The following TOMM7 variants were observed in gnomAD, a reference collection of about 807,000 sequenced individuals.
The protein encoded by TOMM7 is mitochondrial import receptor subunit TOM7 homolog.
Under a neutral mutation model 9.5 loss-of-function variants are expected in TOMM7, and 8 were observed. The ratio of observed to expected loss-of-function variants is 0.84; its 90% CI spans 0.49 to 1.51. The LOEUF (loss-of-function observed/expected upper bound fraction) is 1.51. TOMM7 is among the 40% of genes most tolerant of loss of function. The pLI is 0.00. For missense variants in TOMM7, 74 were observed against 63.7 expected, an observed-to-expected ratio of 1.16 and a Z score of -0.55; for synonymous variants, 27 against 21.4, an observed-to-expected ratio of 1.26 and a Z score of -0.72.
intron 2 of TOMM7, 56 bp from the exon 3 acceptor site, chr7:22,813,241 G>C (rs2128181753): frequency 6.5e-7 from 1 of 1,545,974 alleles, no homozygotes; most frequent in Non-Finnish European, 8.9e-7. Flanking sequence ...AAATCTTCTA[G>C]ACATAACCTA....
chr7:22,822,403 C>T, intron 1 of TOMM7: 2 of 973,804 alleles, frequency 2.1e-6, no homozygotes, highest in African/African-American at 1.6e-5. Context: ...TCATCCAACC[C>T]TCCCTACAAT....
At chr7:22,816,441 C>T (rs186206627) in intron 2 of TOMM7, among the ~76,000 whole-genome samples, 1 of 152,254 alleles carries the variant, frequency 6.6e-6, no homozygotes, top group Admixed American at 6.5e-5. Flanking sequence ...TTACCTCAAT[C>T]GCTATTTTAC....
chr7:22,821,984 A>G (rs991176237), intron 1 of TOMM7, among the ~76,000 whole-genome samples: 1 of 152,278 alleles, frequency 6.6e-6, no homozygotes, highest in Admixed American at 6.5e-5. Flanking sequence ...TGGGTGACAG[A>G]GCGAGACTCT....
At chr7:22,822,280 G>C (rs1398445313) in intron 1 of TOMM7, 3 of 1,548,758 alleles carry the variant, frequency 1.9e-6, no homozygotes, top group African/African-American at 2.7e-5. Context: ...GAGGTGTCTC[G>C]ATTCCCTGAA....
At chr7:22,822,483 A>G (rs1036346146) in intron 1 of TOMM7, 194 bp downstream of exon 1, 1 of 700,392 alleles carries the variant, frequency 1.4e-6, no homozygotes. Context: ...CTGCTTAAAG[A>G]CCATGCAACT....
At chr7:22,820,714 G>A (rs981462682) in intron 1 of TOMM7, among the ~76,000 whole-genome samples, 1 of 152,112 alleles carries the variant, frequency 6.6e-6, no homozygotes, top group South Asian at 2.1e-4. Flanking sequence ...GTGGGGGGAG[G>A]TGCTGCAAGA....
chr7:22,817,906 T>G, intron 2 of TOMM7, 94 bp downstream of exon 2: 3 of 1,260,528 alleles, frequency 2.4e-6, no homozygotes, highest in Non-Finnish European at 3.4e-6. Context: ...AAAGCTCCAT[T>G]TCAAGGCCTG....
intron 1 of TOMM7, among the ~76,000 whole-genome samples, 171 bp downstream of exon 1, chr7:22,822,506 A>G (rs1171708896): frequency 2.0e-5 from 3 of 152,224 alleles, no homozygotes; most frequent in African/African-American, 4.8e-5. Context: ...AAAGCGATAG[A>G]ACGGGAACTC....
chr7:22,815,141 T>C (rs2286507), intron 2 of TOMM7, among the ~76,000 whole-genome samples: 73,063 of 151,978 alleles, frequency 0.48, 19,366 homozygotes, highest in East Asian at 0.82. Context: ...AGAGGGTTAG[T>C]ATCAGGAAGG....
rs568066252 is a variant in TOMM7 at position 22,818,355 on chromosome 7, G to A, written c.104-307C>T. ...ATGATCTCGGCTCACTGCAACCTCT[G>A]TCACCTCTGCCTCCCAGGCTCAAGC... On this transcript the variant is annotated intron_variant, in intron 1 of 2. Coordinates refer to ENST00000358435, the MANE Select transcript of TOMM7 (RefSeq NM_019059.5). 3.4e-4 allele frequency: 71 copies of A among 209,464 alleles called. No homozygotes were observed. The South Asian group carries it at 5.9e-3, about 17-fold the overall frequency. 13.0% of individuals were successfully genotyped at this position (209,464 alleles called of 1,614,324 possible). A position where few individuals can be genotyped will look rare whatever the true frequency, so the allele number is the denominator to read the frequency against.
intron 1 of TOMM7, among the ~76,000 whole-genome samples, chr7:22,818,649 C>A (rs1782347577): frequency 6.6e-6 from 1 of 152,156 alleles, no homozygotes. Context: ...ACAATTGGCA[C>A]AGTTGCCCTT....
chr7:22,819,193 G>C (rs1337811604), intron 1 of TOMM7, among the ~76,000 whole-genome samples: 1 of 151,808 alleles, frequency 6.6e-6, no homozygotes. Context: ...AAGTTAGGGA[G>C]GTTTCAAGAA....
At chr7:22,818,196 C>A in intron 1 of TOMM7, 148 bp from the exon 2 acceptor site, 4 of 660,218 alleles carry the variant, frequency 6.1e-6, no homozygotes, top group South Asian at 1.9e-5. Flanking sequence ...AATTTACCTA[C>A]GCTACAGAAG....
intron 2 of TOMM7, among the ~76,000 whole-genome samples, chr7:22,813,899 A>G (rs1414205118): frequency 1.3e-5 from 2 of 148,534 alleles, no homozygotes; most frequent in Non-Finnish European, 3.0e-5. Context: ...TTATTAAATG[A>G]CACTGACAGT....
intron 2 of TOMM7, 147 bp from the exon 3 acceptor site, chr7:22,813,332 G>GT: frequency 3.0e-6 from 2 of 664,836 alleles, no homozygotes; most frequent in Non-Finnish European, 5.1e-6. Flanking sequence ...CAATCCCACT[G>GT]AACAAACAAA....
intron 1 of TOMM7, 86 bp downstream of exon 1, chr7:22,822,591 C>T: frequency 1.7e-6 from 2 of 1,211,172 alleles, no homozygotes; most frequent in Non-Finnish European, 2.4e-6. Flanking sequence ...CTATTTTTCT[C>T]TCCCTCCCCC....
At chr7:22,822,842 GGGAAAGGAGGT>G in exon 1 of TOMM7, 2 of 1,379,694 alleles carry the variant, frequency 1.4e-6, no homozygotes, top group Middle Eastern at 3.7e-4. Flanking sequence ...GAATCCGAAA[GGGAAAGGAGGT>G]GCGCAGGCGC....
chr7:22,817,890 A>C, intron 2 of TOMM7, 110 bp downstream of exon 2: 2 of 1,039,876 alleles, frequency 1.9e-6, no homozygotes, highest in Non-Finnish European at 2.9e-6. Context: ...AACTATACTG[A>C]CTGATAAAGC....
intron 1 of TOMM7, 44 bp from the exon 2 acceptor site, chr7:22,818,092 C>A: frequency 1.3e-6 from 2 of 1,567,670 alleles, no homozygotes; most frequent in Non-Finnish European, 1.8e-6. Flanking sequence ...AATTAAAACC[C>A]CAGCAGACAA....
Sources: allele counts gnomAD v4.1 joint callset (sites outside exome capture counted in the v4.1 genomes callset), GRCh38; gene constraint gnomAD v4.1.1; transcripts MANE v1.5; gene names NCBI Gene and HGNC (gene_info 2026-07-23, HGNC 2026-07-21).